Variants in TCF7L1 observed in about 807,000 individuals in gnomAD.
The protein encoded by TCF7L1 is transcription factor 7-like 1.
In TCF7L1, 18 loss-of-function variants were observed where a neutral mutation model predicts 63.7. The ratio of observed to expected loss-of-function variants is 0.28; its 90% CI spans 0.20 to 0.42. TCF7L1 has a LOEUF of 0.42. Ranked by LOEUF, TCF7L1 falls within the 10% of genes least tolerant of loss-of-function variation. The pLI is 1.00. For missense variants in TCF7L1, 654 were observed against 779.3 expected (o/e 0.84, Z 1.91); for synonymous variants, 355 against 340.9 (o/e 1.04, Z -0.46).
chr2:85,173,519 A>G (rs1318115254), intron 3 of TCF7L1, among the ~76,000 whole-genome samples: 2 of 152,198 alleles, frequency 1.3e-5, no homozygotes, highest in Admixed American at 1.3e-4. Flanking sequence ...TAAAGATTAA[A>G]TTGAATCACA....
At chr2:85,271,302 G>T (rs766941386) in intron 3 of TCF7L1, among the ~76,000 whole-genome samples, 1 of 152,110 alleles carries the variant, frequency 6.6e-6, no homozygotes, top group African/African-American at 2.4e-5. Flanking sequence ...TAGTAGAGAC[G>T]TGGTTTTGCC....
chr2:85,275,011 T>C (rs1397883208), intron 3 of TCF7L1, among the ~76,000 whole-genome samples: 1 of 152,088 alleles, frequency 6.6e-6, no homozygotes. Flanking sequence ...AAACCAGAGG[T>C]TCTGAAAGGT....
chr2:85,242,894 A>G (rs1680369677), intron 3 of TCF7L1, among the ~76,000 whole-genome samples: 1 of 152,188 alleles, frequency 6.6e-6, no homozygotes, highest in African/African-American at 2.4e-5. Context: ...TTTAAAAACT[A>G]TTGAATGAAA....
chr2:85,308,433 C>CTCTT (rs1682182428), intron 11 of TCF7L1, among the ~76,000 whole-genome samples: 6 of 111,074 alleles, frequency 5.4e-5, no homozygotes, highest in Admixed American at 5.3e-4. Context: ...CCCTCCTTTT[C>CTCTT]TCCCTCCCTT....
intron 3 of TCF7L1, among the ~76,000 whole-genome samples, chr2:85,155,193 G>A (rs778908848): frequency 5.3e-5 from 8 of 152,146 alleles, no homozygotes; most frequent in Non-Finnish European, 7.3e-5. Flanking sequence ...GGTACTTGGA[G>A]AACTTTTCTG....
At chr2:85,224,108 G>C (rs1679904730) in intron 3 of TCF7L1, among the ~76,000 whole-genome samples, 1 of 152,154 alleles carries the variant, frequency 6.6e-6, no homozygotes, top group Non-Finnish European at 1.5e-5. Flanking sequence ...CCCTGCCAAA[G>C]GACATGAAAT....
At chr2:85,169,696 T>G (rs1310230275) in intron 3 of TCF7L1, among the ~76,000 whole-genome samples, 1 of 152,186 alleles carries the variant, frequency 6.6e-6, no homozygotes, top group Non-Finnish European at 1.5e-5. Flanking sequence ...GCTGTATTTT[T>G]TGGTCTGCTC....
intron 3 of TCF7L1, among the ~76,000 whole-genome samples, chr2:85,282,647 A>T (rs1681444446): frequency 6.6e-6 from 1 of 152,108 alleles, no homozygotes; most frequent in African/African-American, 2.4e-5. Flanking sequence ...CACACAGCCT[A>T]TGTTGGCAGA....
chr2:85,305,144 C>T (rs570233829), intron 7 of TCF7L1, 116 bp from the exon 8 acceptor site: 1 of 1,404,456 alleles, frequency 7.1e-7, no homozygotes, highest in African/African-American at 1.4e-5. Context: ...AGTCCTGAGA[C>T]TCTGCCCCAC....
At chr2:85,208,222 G>C (rs1286868547) in intron 3 of TCF7L1, among the ~76,000 whole-genome samples, 5 of 152,092 alleles carry the variant, frequency 3.3e-5, no homozygotes. Flanking sequence ...ATGCATTTTT[G>C]ACTTAGTATA....
intron 4 of TCF7L1, among the ~76,000 whole-genome samples, chr2:85,284,786 A>G (rs1681504200): frequency 6.6e-6 from 1 of 152,218 alleles, no homozygotes; most frequent in African/African-American, 2.4e-5. Context: ...TATGATGTTT[A>G]TTAAAGTTTA....
chr2:85,262,772 C>T (rs777943822), intron 3 of TCF7L1, among the ~76,000 whole-genome samples: 1 of 152,156 alleles, frequency 6.6e-6, no homozygotes, highest in Non-Finnish European at 1.5e-5. Context: ...AGCCTGATGC[C>T]ATCCTCCAAT....
At chr2:85,174,713 C>T (rs898710191) in intron 3 of TCF7L1, among the ~76,000 whole-genome samples, 5 of 152,284 alleles carry the variant, frequency 3.3e-5, no homozygotes, top group Admixed American at 6.5e-5. Flanking sequence ...CCCCTGACTC[C>T]GCCTGACAAC....
At chr2:85,146,157 A>G (rs112240044) in intron 3 of TCF7L1, among the ~76,000 whole-genome samples, 22 of 152,368 alleles carry the variant, frequency 1.4e-4, no homozygotes, top group African/African-American at 5.0e-4. Flanking sequence ...GTTCCAGGGC[A>G]CTATATCACG....
chr2:85,138,053 A>T (rs900147072), intron 3 of TCF7L1, among the ~76,000 whole-genome samples: 5 of 152,176 alleles, frequency 3.3e-5, no homozygotes, highest in African/African-American at 1.2e-4. Context: ...GTGACCATGA[A>T]GTGAGGGCTG....
rs1677515062 is a variant in TCF7L1, at chr2:85,133,722, G to A, written c.38G>A (p.Gly13Asp). The A allele has an allele frequency of 2.6e-6, 3 of 1,172,768 alleles. No homozygotes were observed. The highest frequency in any genetic ancestry group is 3.2e-6 in the Non-Finnish European group (3 of 950,850). 72.6% of individuals were successfully genotyped at this position (1,172,768 alleles called of 1,614,324 possible). Residue 13 changes from glycine to aspartate, a missense_variant, in exon 1 of 12, where the codon GGC (glycine) becomes GAC (aspartate). By Grantham distance (94) the Gly-to-Asp change is moderately conservative. Transcript: ENST00000282111. This position sits in a 1 kb window ranked among gnomAD's most constrained non-coding sequence, Gnocchi z 4.4. Reference protein sequence around the residue: ...QLGGGGGGGGGGSGGGGGSSA... With the variant: ...QLGGGGGGGGDGSGGGGGSSA... ...GGCGGCGGGGGCGGCGGCGGCGGCG[G>A]CGGCAGCGGGGGAGGCGGCGGCTCC...
intron 3 of TCF7L1, among the ~76,000 whole-genome samples, chr2:85,142,481 AATATAT>A (rs148154309): frequency 7.0e-6 from 1 of 143,312 alleles, no homozygotes; most frequent in Non-Finnish European, 1.5e-5. Flanking sequence ...GTATATATAT[AATATAT>A]ATATATATAT....
At chr2:85,219,542 T>C (rs79311788) in intron 3 of TCF7L1, among the ~76,000 whole-genome samples, 1,882 of 152,290 alleles carry the variant, frequency 0.012, 20 homozygotes, top group Non-Finnish European at 0.018. Flanking sequence ...GATCTACATG[T>C]ATTAACATGA....
At chr2:85,284,243 C>T (rs908776787) in intron 4 of TCF7L1, among the ~76,000 whole-genome samples, 8 of 152,194 alleles carry the variant, frequency 5.3e-5, no homozygotes, top group African/African-American at 1.9e-4. Flanking sequence ...ATCTCCTGAC[C>T]TCGTGATCCG....
Sources: gnomAD v4.1 joint callset for allele counts (sites outside exome capture counted in the v4.1 genomes callset) on GRCh38, gnomAD v4.1.1 for gene constraint, Gnocchi (gnomAD v3.1) non-coding constraint, MANE v1.5 for transcripts, NCBI Gene and HGNC (gene_info 2026-07-23, HGNC 2026-07-21) for gene names.